The following AGT variants were observed in gnomAD, a reference collection of about 807,000 sequenced individuals.
AGT encodes the protein alpha-1 antiproteinase, antitrypsin.
In AGT, 26 loss-of-function variants were observed where a neutral mutation model predicts 28.1. That is an observed-to-expected ratio of 0.92 (90% CI 0.68 to 1.28). The LOEUF (loss-of-function observed/expected upper bound fraction) is 1.28. AGT is among the 50% of genes most tolerant of loss of function. The probability of loss-of-function intolerance (pLI) is 0.00; values close to 1 mark genes in which losing one functional copy is unlikely to be tolerated. For synonymous variants in AGT, 259 were observed against 259.6 expected (o/e 1.00, Z 0.02); for missense variants, 596 against 592.3 (o/e 1.01, Z -0.06).
At chr1:230,737,170 C>T (rs1343215364) in intron 1 of AGT, among the ~76,000 whole-genome samples, 1 of 152,154 alleles carries the variant, frequency 6.6e-6, no homozygotes, top group Admixed American at 6.5e-5. Flanking sequence ...TTCCCCAAAC[C>T]CTTCATCAAA....
intron 1 of AGT, among the ~76,000 whole-genome samples, chr1:230,720,936 T>C (rs541340595): frequency 6.6e-6 from 1 of 152,340 alleles, no homozygotes; most frequent in East Asian, 1.9e-4. Context: ...GCCTCATTCA[T>C]TCTGGGCGTG....
chr1:230,727,394 C>A (rs758061147), intron 1 of AGT, among the ~76,000 whole-genome samples: 1 of 152,194 alleles, frequency 6.6e-6, no homozygotes, highest in East Asian at 1.9e-4. Context: ...CAACTGCCCT[C>A]ACTGCACTAG....
At chr1:230,706,261 G>A in intron 2 of AGT, 61 bp from the exon 3 acceptor site, 1 of 1,576,042 alleles carries the variant, frequency 6.3e-7, no homozygotes, top group Non-Finnish European at 8.6e-7. Flanking sequence ...AGGAATGAGG[G>A]CTGGCAGACA....
intron 1 of AGT, among the ~76,000 whole-genome samples, chr1:230,712,690 G>A (rs189808117): frequency 2.8e-4 from 42 of 152,332 alleles, no homozygotes; most frequent in African/African-American, 8.2e-4. Flanking sequence ...CTCAGGCAGC[G>A]TCTCCAGAGA....
intron 1 of AGT, among the ~76,000 whole-genome samples, chr1:230,734,464 A>T (rs938051204): frequency 4.6e-5 from 7 of 152,130 alleles, no homozygotes; most frequent in African/African-American, 1.7e-4. Context: ...GTGGAGATGG[A>T]TGGTGTGATG....
chr1:230,729,855 CTTATCT>C (rs1664018598), intron 1 of AGT, among the ~76,000 whole-genome samples: 1 of 152,044 alleles, frequency 6.6e-6, no homozygotes, highest in South Asian at 2.1e-4. Flanking sequence ...TCTTCTCTAT[CTTATCT>C]TTAAGAAACA....
chr1:230,722,161 G>T (rs1663858132), intron 1 of AGT, among the ~76,000 whole-genome samples: 1 of 152,270 alleles, frequency 6.6e-6, no homozygotes, highest in Non-Finnish European at 1.5e-5. Flanking sequence ...CCAAGGTACA[G>T]CTCAGGCCAT....
At chr1:230,743,432 G>T (rs968472147) in intron 1 of AGT, among the ~76,000 whole-genome samples, 1 of 151,722 alleles carries the variant, frequency 6.6e-6, no homozygotes, top group East Asian at 1.9e-4. Context: ...CCAGCAGAAC[G>T]CCCTGACAGT....
In AGT at chr1:230,710,731, G is replaced by A; in HGVS notation, c.93C>T (p.Pro31=). 1.9e-6 allele frequency: 3 copies of A among 1,614,116 alleles called. No individual in the cohort carries two copies. The highest frequency in any genetic ancestry group is 1.3e-5 in the African/African-American group (1 of 75,066). ...TCTCATTGTGGATGACGAGGTGGAA[G>A]GGGTGTATGTACACCCGGTCACCTG... ...LAAGDRVYIH[P]FHLVIHNEST... Residue 31 remains proline, a synonymous_variant, in exon 2 of 5, where the codon CCC becomes CCT. Transcript: ENST00000366667.
At chr1:230,735,465 CT>C (rs1558295623) in intron 1 of AGT, among the ~76,000 whole-genome samples, 2 of 152,156 alleles carry the variant, frequency 1.3e-5, no homozygotes, top group African/African-American at 4.8e-5. Flanking sequence ...TTAATACAGT[CT>C]TTTTTAAAAA....
At chr1:230,715,564 A>G (rs1571980134), upstream of AGT, among the ~76,000 whole-genome samples, 1 of 152,152 alleles carries the variant, frequency 6.6e-6, no homozygotes, top group African/African-American at 2.4e-5. Context: ...AGACCATTCA[A>G]AGTGCTCCTG....
chr1:230,740,848 C>T (rs1664235573), intron 1 of AGT, among the ~76,000 whole-genome samples: 1 of 152,156 alleles, frequency 6.6e-6, no homozygotes, highest in Non-Finnish European at 1.5e-5. Flanking sequence ...ACTTGGGAGG[C>T]TGAGGCAGGA....
At chr1:230,728,962 T>C (rs1664002755) in intron 1 of AGT, among the ~76,000 whole-genome samples, 1 of 152,182 alleles carries the variant, frequency 6.6e-6, no homozygotes, top group Non-Finnish European at 1.5e-5. Context: ...GGGAGAGCAT[T>C]AGTTGCTATA....
chr1:230,716,538 G>A (rs1388233177), upstream of AGT, among the ~76,000 whole-genome samples: 2 of 152,194 alleles, frequency 1.3e-5, no homozygotes, highest in Admixed American at 6.5e-5. Flanking sequence ...GGGACCCAGT[G>A]GGAGGTAATT....
At chr1:230,724,294 G>C (rs11122584) in intron 1 of AGT, among the ~76,000 whole-genome samples, 1 of 152,088 alleles carries the variant, frequency 6.6e-6, no homozygotes, top group East Asian at 1.9e-4. Flanking sequence ...AGAGGAGTTA[G>C]CTATAGACTT....
At chr1:230,741,077 T>A (rs1664240694) in intron 1 of AGT, among the ~76,000 whole-genome samples, 1 of 152,168 alleles carries the variant, frequency 6.6e-6, no homozygotes, top group Non-Finnish European at 1.5e-5. Context: ...AGAAAGGAAA[T>A]CGTCTTGGGC....
intron 1 of AGT, among the ~76,000 whole-genome samples, chr1:230,729,589 T>C (rs542787900): frequency 3.1e-4 from 47 of 152,236 alleles, no homozygotes; most frequent in African/African-American, 1.1e-3. Context: ...GCTCCCAGTG[T>C]CTGTGGGAGG....
At chr1:230,731,878 TAACAAC>T (rs957557351) in intron 1 of AGT, among the ~76,000 whole-genome samples, 3 of 151,670 alleles carry the variant, frequency 2.0e-5, no homozygotes, top group African/African-American at 7.2e-5. Context: ...AAAAAAATAA[TAACAAC>T]AACAACAACA....
intron 1 of AGT, among the ~76,000 whole-genome samples, chr1:230,739,655 T>C (rs1036320020): frequency 3.3e-5 from 5 of 152,190 alleles, no homozygotes; most frequent in African/African-American, 1.2e-4. Context: ...ATGCTAGCTG[T>C]GACCCCTCCA....
Sources: allele counts gnomAD v4.1 joint callset (sites outside exome capture counted in the v4.1 genomes callset), GRCh38; gene constraint gnomAD v4.1.1; transcripts MANE v1.5; gene names NCBI Gene and HGNC (gene_info 2026-07-23, HGNC 2026-07-21).